CTNNA3: variants seen among roughly 807,000 people sequenced by gnomAD.
CTNNA3 encodes catenin alpha-3.
CTNNA3 carries 76 observed loss-of-function variants against 95.7 expected under a neutral mutation model. That is an observed-to-expected ratio of 0.79 (90% CI 0.66 to 0.96). CTNNA3 has a LOEUF of 0.96. Ranked by LOEUF, CTNNA3 falls within the 40% of genes least tolerant of loss-of-function variation. The pLI, the probability that CTNNA3 is intolerant of heterozygous loss-of-function variation, is 0.00. For missense variants in CTNNA3, 1,191 were observed against 1,089.8 expected, an observed-to-expected ratio of 1.09 and a Z score of -1.31; for synonymous variants, 431 against 374.4, an observed-to-expected ratio of 1.15 and a Z score of -1.74.
chr10:66,978,541 A>ATAAAATAAAAATAAAAAAAAT (rs1437563245), intron 7 of CTNNA3, among the ~76,000 whole-genome samples: 11,589 of 109,516 alleles, frequency 0.11, 1,183 homozygotes, highest in Non-Finnish European at 0.16. Flanking sequence ...AAAAAAAAAA[A>ATAAAATAAAAATAAAAAAAAT]AAAAAAAAAA....
intron 9 of CTNNA3, among the ~76,000 whole-genome samples, chr10:66,755,547 G>T (rs1348404646): frequency 6.6e-6 from 1 of 152,064 alleles, no homozygotes; most frequent in African/African-American, 2.4e-5. Context: ...ATTAAAAATG[G>T]AAAACAGAAC....
At chr10:67,363,278 T>A (rs987159993) in intron 5 of CTNNA3, among the ~76,000 whole-genome samples, 1 of 151,826 alleles carries the variant, frequency 6.6e-6, no homozygotes, top group Non-Finnish European at 1.5e-5. Context: ...GAAACTCATA[T>A]AAAACCAAAA....
At chr10:66,250,848 A>G (rs2090521143) in intron 13 of CTNNA3, among the ~76,000 whole-genome samples, 1 of 152,136 alleles carries the variant, frequency 6.6e-6, no homozygotes, top group Non-Finnish European at 1.5e-5. Context: ...TAGCTTCTGT[A>G]CTTCTCAAAT....
chr10:67,394,787 A>AT (rs576859595), intron 5 of CTNNA3, among the ~76,000 whole-genome samples: 18 of 151,498 alleles, frequency 1.2e-4, no homozygotes, highest in East Asian at 3.9e-4. Context: ...TATTTGTGGC[A>AT]TTTTTTTTTA....
intron 8 of CTNNA3, among the ~76,000 whole-genome samples, chr10:66,767,975 A>C (rs1021489338): frequency 6.6e-6 from 1 of 152,178 alleles, no homozygotes; most frequent in Non-Finnish European, 1.5e-5. Flanking sequence ...CAAAGTATAG[A>C]GTGCCAAGGG....
chr10:67,536,479 C>A (rs1220080437), intron 4 of CTNNA3, among the ~76,000 whole-genome samples: 1 of 152,124 alleles, frequency 6.6e-6, no homozygotes, highest in African/African-American at 2.4e-5. Context: ...ATCAGAGAGT[C>A]TTTCTACGTC....
At chr10:67,714,863 G>C (rs544677994) in intron 1 of CTNNA3, among the ~76,000 whole-genome samples, 3 of 152,172 alleles carry the variant, frequency 2.0e-5, no homozygotes, top group Non-Finnish European at 2.9e-5. Flanking sequence ...AAAAAGGAAA[G>C]TTTCCCTGCA....
At chr10:66,431,481 G>T (rs1488209969) in intron 11 of CTNNA3, among the ~76,000 whole-genome samples, 1 of 151,912 alleles carries the variant, frequency 6.6e-6, no homozygotes, top group Admixed American at 6.6e-5. Flanking sequence ...CAATAGCAAA[G>T]ACTTGGAACC....
Position 67,510,164 on chromosome 10 carries a change from T to G in CTNNA3, c.579+11678A>C, listed in dbSNP as rs547000700. 1.2e-3 allele frequency among the ~76,000 whole-genome samples: 176 copies of G among 152,356 alleles called. 1 individual carries two copies. The highest frequency in any genetic ancestry group is 3.4e-3 in the Middle Eastern group (1 of 294). On this transcript the variant is annotated intron_variant, in intron 5 of 17. Transcript: ENST00000433211. ...CCTGTTCACTCTGATGGTAGTTTCT[T>G]TTGCTGTGCAGAAGCTCTTTAGTTT...
At chr10:66,386,173 G>T (rs558106099) in intron 11 of CTNNA3, among the ~76,000 whole-genome samples, 1 of 152,220 alleles carries the variant, frequency 6.6e-6, no homozygotes, top group South Asian at 2.1e-4. Context: ...TTGCATATGA[G>T]ATGATTGTAC....
At chr10:66,091,671 T>C (rs1391210811) in intron 14 of CTNNA3, among the ~76,000 whole-genome samples, 8 of 151,822 alleles carry the variant, frequency 5.3e-5, no homozygotes, top group African/African-American at 1.9e-4. Context: ...GGAAAGAGGT[T>C]ATAAGAGAGT....
At chr10:66,438,079 C>T (rs1212183983) in intron 11 of CTNNA3, among the ~76,000 whole-genome samples, 1 of 152,086 alleles carries the variant, frequency 6.6e-6, no homozygotes, top group African/African-American at 2.4e-5. Flanking sequence ...AGCTTTATTC[C>T]AGAGGGGCAC....
intron 12 of CTNNA3, among the ~76,000 whole-genome samples, chr10:66,300,821 A>G (rs1055203030): frequency 6.6e-6 from 1 of 152,112 alleles, no homozygotes; most frequent in Non-Finnish European, 1.5e-5. Flanking sequence ...AATAAATTAT[A>G]CAAATTAGAG....
intron 9 of CTNNA3, among the ~76,000 whole-genome samples, chr10:66,745,323 A>C (rs2132709869): frequency 6.6e-6 from 1 of 152,336 alleles, no homozygotes; most frequent in East Asian, 1.9e-4. Flanking sequence ...TGATTGGCCA[A>C]GGTCAAACAG....
At chr10:66,762,581 T>C (rs1413583537) in intron 9 of CTNNA3, among the ~76,000 whole-genome samples, 9 of 151,742 alleles carry the variant, frequency 5.9e-5, no homozygotes, top group South Asian at 2.1e-4. Context: ...ATTATTAGTA[T>C]AGCGGGACAC....
At chr10:65,982,383 A>G (rs1386740125) in intron 16 of CTNNA3, among the ~76,000 whole-genome samples, 1 of 151,694 alleles carries the variant, frequency 6.6e-6, no homozygotes, top group Non-Finnish European at 1.5e-5. Context: ...GTGAAAAGGG[A>G]ACACCTTTAC....
At chr10:66,664,987 T>C (rs1313066033) in intron 9 of CTNNA3, among the ~76,000 whole-genome samples, 1 of 151,118 alleles carries the variant, frequency 6.6e-6, no homozygotes, top group East Asian at 1.9e-4. Flanking sequence ...AGTGATTTAA[T>C]ACAAATACAC....
chr10:67,012,598 G>A (rs1160661915), intron 7 of CTNNA3, among the ~76,000 whole-genome samples: 1 of 151,932 alleles, frequency 6.6e-6, no homozygotes. Flanking sequence ...TTGTCTTCAG[G>A]AACCCTACGA....
intron 7 of CTNNA3, among the ~76,000 whole-genome samples, chr10:66,957,078 GTATC>G (rs1385285751): frequency 5.3e-5 from 8 of 152,104 alleles, no homozygotes; most frequent in African/African-American, 1.9e-4. Flanking sequence ...TTCATGACAT[GTATC>G]TATCACACAT....
Sources: gnomAD v4.1 joint callset for allele counts (sites outside exome capture counted in the v4.1 genomes callset) on GRCh38, gnomAD v4.1.1 for gene constraint, MANE v1.5 for transcripts, NCBI Gene and HGNC (gene_info 2026-07-23, HGNC 2026-07-21) for gene names.